KDM6A: variants seen among roughly 807,000 people sequenced by gnomAD.
KDM6A encodes the protein lysine-specific demethylase 6A.
A neutral mutation model predicts 117.6 loss-of-function variants in KDM6A; 11 were observed. The ratio of observed to expected loss-of-function variants is 0.09; its 90% CI spans 0.06 to 0.15. The LOEUF is 0.15. Ranked by LOEUF, KDM6A falls within the 10% of genes least tolerant of loss-of-function variation. The pLI, the probability that KDM6A is intolerant of heterozygous loss-of-function variation, is 1.00. For synonymous variants in KDM6A, 384 were observed against 396.1 expected (o/e 0.97, Z 0.36); for missense variants, 799 against 1,077.3 (o/e 0.74, Z 3.62).
intron 27 of KDM6A, among the ~76,000 whole-genome samples, chrX:45,102,038 A>G (rs972669363): frequency 7.2e-5 from 8 of 111,455 alleles, no homozygotes; most frequent in Non-Finnish European, 1.1e-4. Flanking sequence ...AGCTCTTTCT[A>G]TGGTCTCTTA....
Position 44,878,210 on chromosome X carries a change from A to G in KDM6A, c.225+4223A>G, listed in dbSNP as rs1045420433. On this transcript the variant is annotated intron_variant, in intron 2 of 29. Transcript: ENST00000611820. ...TCCCTAATCTGAAAATCTGAATTCC[A>G]AAATGCTCCAATGAGCATTTCCTTT... Among the ~76,000 whole-genome samples the G allele has an allele frequency of 5.4e-5, 6 of 111,254 alleles. 1 individual carries two copies. The highest frequency in any genetic ancestry group is 4.8e-4 in the Admixed American group (5 of 10,412).
intron 2 of KDM6A, among the ~76,000 whole-genome samples, chrX:44,914,236 T>C (rs2035409936): frequency 8.9e-6 from 1 of 112,389 alleles, no homozygotes; most frequent in Non-Finnish European, 1.9e-5. Flanking sequence ...ATGTGAATTT[T>C]CAGCTGTGCT....
chrX:45,004,706 G>C (rs751954158), intron 4 of KDM6A, among the ~76,000 whole-genome samples: 6 of 111,366 alleles, frequency 5.4e-5, no homozygotes, highest in African/African-American at 9.8e-5. Flanking sequence ...CTTAGATCCT[G>C]CATATTTTCC....
At chrX:45,109,333 A>G (rs759888073) in intron 28 of KDM6A, among the ~76,000 whole-genome samples, 11 of 111,038 alleles carry the variant, frequency 9.9e-5, no homozygotes, top group East Asian at 8.5e-4. Context: ...ATGCTCACCA[A>G]TTTTCTAGCT....
At position 45,063,410 on chromosome X, in the gene KDM6A, T is replaced by G; in HGVS notation, c.1684-12T>G. The G allele has an allele frequency of 8.3e-7, 1 of 1,199,120 alleles. No individual in the cohort carries two copies. Among genetic ancestry groups the G allele is most frequent in the Non-Finnish European group, 1.1e-6 (1 of 891,830 alleles). ...ACAACCAGCATTTACTTTTCCTTTG[T>G]TTTTTTGACAGATGAGACCAACAGG... On this transcript the variant is annotated splice_polypyrimidine_tract_variant and intron_variant, in intron 16 of 29. Transcript: ENST00000611820.
In KDM6A at chrX:44,873,669, A is replaced by C; in HGVS notation, c.118A>C (p.Ser40Arg). The change falls in exon 1 of 30, where the codon AGC becomes CGC. Residue 40 changes from serine (S) to arginine (R), a missense_variant. By Grantham distance (110) the Ser-to-Arg change is moderately radical. This residue lies in a region of KDM6A where 89 missense variants were observed against 117.8 expected (regional missense o/e 0.76). Coordinates refer to ENST00000611820, the MANE Select transcript of KDM6A (RefSeq NM_001291415.2). Reference sequence around the variant, plus strand: ...CGGCGAGAGCGAGGAGGCGTCCCCCAGCCTGACAGCCGAGGAGAGGGAGGC... The same window carrying C: ...CGGCGAGAGCGAGGAGGCGTCCCCCCGCCTGACAGCCGAGGAGAGGGAGGC... The part of the protein sequence containing the change: ...ASGESEEASP[S>R]LTAEEREALG... The C allele has an allele frequency of 8.4e-7, 1 of 1,183,890 alleles. No homozygotes were observed. Among genetic ancestry groups the C allele is most frequent in the Non-Finnish European group, 1.1e-6 (1 of 882,072 alleles).
chrX:45,006,293 G>A (rs1035732425), intron 4 of KDM6A, among the ~76,000 whole-genome samples: 3 of 107,489 alleles, frequency 2.8e-5, no homozygotes, highest in East Asian at 3.0e-4. Context: ...AGAGACTGTC[G>A]GGAGGGGAAT....
intron 2 of KDM6A, among the ~76,000 whole-genome samples, chrX:44,889,920 T>C (rs973043621): frequency 1.8e-5 from 2 of 112,487 alleles, no homozygotes; most frequent in African/African-American, 6.5e-5. Context: ...TAGTGTGTGC[T>C]TTACCCAGTT....
At chrX:45,102,235 G>A (rs1374007765) in intron 27 of KDM6A, among the ~76,000 whole-genome samples, 2 of 111,782 alleles carry the variant, frequency 1.8e-5, no homozygotes, top group African/African-American at 6.5e-5. Flanking sequence ...GGTTTTCAGA[G>A]CTCTATGCAA....
chrX:45,051,198 C>T (rs757274566), intron 8 of KDM6A, among the ~76,000 whole-genome samples: 8 of 110,749 alleles, frequency 7.2e-5, no homozygotes, highest in East Asian at 2.8e-4. Context: ...TTAGTAGAGA[C>T]GTGGTTTCAC....
chrX:44,900,773 G>T (rs934157044), intron 2 of KDM6A, among the ~76,000 whole-genome samples: 1 of 110,971 alleles, frequency 9.0e-6, no homozygotes, highest in African/African-American at 3.3e-5. Flanking sequence ...GGCAGGAGCC[G>T]GTAATCCCAG....
chrX:44,906,955 A>G (rs1372307603), intron 2 of KDM6A, among the ~76,000 whole-genome samples: 2 of 111,541 alleles, frequency 1.8e-5, no homozygotes, highest in Non-Finnish European at 3.8e-5. Context: ...ATCACATTTC[A>G]CATTGCCAGT....
intron 8 of KDM6A, 120 bp downstream of exon 8, chrX:45,037,809 A>G: frequency 1.7e-6 from 1 of 571,744 alleles, no homozygotes; most frequent in Non-Finnish European, 2.9e-6. Flanking sequence ...GTTACTTCTT[A>G]GGTAAATTTT....
chrX:44,888,993 T>G (rs1247682286), intron 2 of KDM6A, among the ~76,000 whole-genome samples: 1 of 112,046 alleles, frequency 8.9e-6, no homozygotes, highest in Admixed American at 9.6e-5. Context: ...TGAGACACTT[T>G]CTGATCTATT....
chrX:45,018,188 G>A (rs895402525), intron 5 of KDM6A, among the ~76,000 whole-genome samples: 4 of 111,217 alleles, frequency 3.6e-5, no homozygotes, highest in African/African-American at 1.3e-4. Context: ...GTACAAGCCA[G>A]AGCAGAGCAA....
chrX:44,881,156 C>T (rs763035343), intron 2 of KDM6A, among the ~76,000 whole-genome samples: 2 of 112,817 alleles, frequency 1.8e-5, no homozygotes, highest in Non-Finnish European at 3.7e-5. Flanking sequence ...TAACCTGGGC[C>T]GGGCGCGGTG....
chrX:45,079,902 T>G (rs2045324077), intron 21 of KDM6A, among the ~76,000 whole-genome samples: 1 of 112,259 alleles, frequency 8.9e-6, no homozygotes. Context: ...GTAAATAGCA[T>G]CATGGGGAAA....
intron 4 of KDM6A, among the ~76,000 whole-genome samples, chrX:44,994,920 G>A (rs1020480220): frequency 1.8e-5 from 2 of 111,850 alleles, no homozygotes; most frequent in African/African-American, 3.3e-5. Flanking sequence ...GCAGGTAGTC[G>A]AAAAACGTTG....
intron 23 of KDM6A, among the ~76,000 whole-genome samples, chrX:45,083,029 G>A (rs1187441042): frequency 9.1e-6 from 1 of 110,162 alleles, no homozygotes; most frequent in African/African-American, 3.3e-5. Flanking sequence ...GGGCTCAAGG[G>A]ATCCTCCCAC....
Sources: gnomAD v4.1 joint callset for allele counts (sites outside exome capture counted in the v4.1 genomes callset) on GRCh38, gnomAD v4.1.1 for gene constraint, gnomAD v4.1.1 regional missense constraint, MANE v1.5 for transcripts, NCBI Gene and HGNC (gene_info 2026-07-23, HGNC 2026-07-21) for gene names.